ADGRV1: variants seen among roughly 807,000 people sequenced by gnomAD.
ADGRV1 encodes the protein G-protein coupled receptor 98.
A neutral mutation model predicts 596.2 loss-of-function variants in ADGRV1; 359 were observed. The observed-to-expected ratio is 0.60, with a 90% CI of 0.55 to 0.66. ADGRV1 has a LOEUF of 0.66. Ranked by LOEUF, ADGRV1 falls within the 30% of genes least tolerant of loss-of-function variation. The probability of loss-of-function intolerance (pLI) is 0.00; values close to 1 mark genes in which losing one functional copy is unlikely to be tolerated. For synonymous variants in ADGRV1, 2,681 were observed against 2,679.2 expected (o/e 1.00, Z -0.02); for missense variants, 7,274 against 7,575.6 (o/e 0.96, Z 1.48).
At position 90,711,035 on chromosome 5, in the gene ADGRV1, G is replaced by A; in HGVS notation, c.8879G>A (p.Gly2960Asp). The A allele has an allele frequency of 2.5e-6, 4 of 1,611,104 alleles. No homozygotes were observed. Among genetic ancestry groups the A allele is most frequent in the Non-Finnish European group, 3.4e-6 (4 of 1,178,432 alleles). The change falls in exon 40 of 90, where the codon GGT (glycine) becomes GAT (aspartate). Residue 2960 changes from glycine to aspartate, a missense_variant. This residue lies in a region of ADGRV1 where 3,643 missense variants were observed against 3,809.2 expected (regional missense o/e 0.96). Transcript: ENST00000405460. The stretch of plus-strand genomic sequence containing the variant: ...ATTGATGCCAATGATGGGGCCCGAG[G>A]TGTAATTGAATGGCAACAAAGCAGG... Reference protein sequence around the residue: ...VIIDANDGARGVIEWQQSRFE... With the variant: ...VIIDANDGARDVIEWQQSRFE...
At chr5:90,988,518 A>G (rs1161481803) in intron 85 of ADGRV1, among the ~76,000 whole-genome samples, 1 of 152,056 alleles carries the variant, frequency 6.6e-6, no homozygotes, top group African/African-American at 2.4e-5. Context: ...ATGGCTTGAC[A>G]TTTTCTATAT....
chr5:91,075,097 C>T (rs558466851), intron 86 of ADGRV1, among the ~76,000 whole-genome samples: 18 of 152,052 alleles, frequency 1.2e-4, no homozygotes, highest in South Asian at 2.1e-4. Flanking sequence ...CCATTGTGAG[C>T]GCATAGTTTG....
chr5:90,993,396 A>G (rs1781136349), intron 85 of ADGRV1, among the ~76,000 whole-genome samples: 1 of 151,790 alleles, frequency 6.6e-6, no homozygotes, highest in African/African-American at 2.4e-5. Flanking sequence ...TGATCTTGTG[A>G]TCCACCCACC....
intron 1 of ADGRV1, chr5:90,614,287 C>A: frequency 3.1e-6 from 1 of 325,344 alleles, no homozygotes; most frequent in Non-Finnish European, 5.9e-6. Context: ...AAATTTAAGT[C>A]CTGGAAATTT....
intron 85 of ADGRV1, among the ~76,000 whole-genome samples, chr5:91,058,533 T>C (rs1787114135): frequency 6.6e-6 from 1 of 151,382 alleles, no homozygotes; most frequent in African/African-American, 2.4e-5. Flanking sequence ...GTATGGAAGA[T>C]AAGAAACCCT....
At chr5:90,972,700 G>A (rs973944198) in intron 84 of ADGRV1, among the ~76,000 whole-genome samples, 17 of 152,160 alleles carry the variant, frequency 1.1e-4, no homozygotes, top group African/African-American at 3.6e-4. Context: ...CACATTCAAA[G>A]CAGTGTGTAG....
rs1765376987 is a variant in ADGRV1 at position 90,840,986 on chromosome 5, G to GTTA, written c.17019+2_17019+3insTAT. On this transcript the variant is annotated splice_donor_variant, in intron 78 of 89. Transcript: ENST00000405460. LOFTEE classifies it high-confidence loss of function. The stretch of plus-strand genomic sequence containing the variant: ...TGCCATGATGCATTTAATAGAAAAG[G>GTTA]TAAGTTTTTGTGAATATTAGTAATT... 1 of 1,387,604 alleles carries GTTA rather than the reference G, an allele frequency of 7.2e-7. No individual in the cohort carries two copies. Among genetic ancestry groups the GTTA allele is most frequent in the South Asian group, 2.3e-5 (1 of 43,324 alleles). The allele number at this position is 1,387,604 out of a possible 1,614,324, so 86.0% of individuals were successfully genotyped here. A position where few individuals can be genotyped will look rare whatever the true frequency, so the allele number is the denominator to read the frequency against.
intron 41 of ADGRV1, among the ~76,000 whole-genome samples, chr5:90,711,900 C>G (rs947968831): frequency 6.6e-6 from 1 of 152,142 alleles, no homozygotes; most frequent in Non-Finnish European, 1.5e-5. Context: ...CCTCAGCCTC[C>G]TGAGTAGCTG....
At chr5:90,642,786 T>A in intron 12 of ADGRV1, 24 bp downstream of exon 12, 1 of 1,608,600 alleles carries the variant, frequency 6.2e-7, no homozygotes, top group Non-Finnish European at 8.5e-7. Context: ...AAACTTCCAT[T>A]TATTCTGTGC....
At chr5:90,823,358 T>C in intron 75 of ADGRV1, 67 bp from the exon 76 acceptor site, 1 of 1,477,434 alleles carries the variant, frequency 6.8e-7, no homozygotes, top group East Asian at 2.3e-5. Flanking sequence ...CATTATTTGA[T>C]AATAAACTCT....
At chr5:90,618,138 T>C (rs1763603657) in intron 3 of ADGRV1, among the ~76,000 whole-genome samples, 185 bp downstream of exon 3, 2 of 152,214 alleles carry the variant, frequency 1.3e-5, no homozygotes, top group Admixed American at 1.3e-4. Flanking sequence ...TCCTTGATCT[T>C]GTTCAGAAAC....
At chr5:90,701,859 T>A (rs1181162506) in intron 34 of ADGRV1, among the ~76,000 whole-genome samples, 1 of 151,942 alleles carries the variant, frequency 6.6e-6, no homozygotes, top group Non-Finnish European at 1.5e-5. Context: ...ATTTTATTAT[T>A]GTGATTATAG....
intron 34 of ADGRV1, among the ~76,000 whole-genome samples, chr5:90,702,371 G>A (rs1381644706): frequency 1.3e-4 from 20 of 151,580 alleles, no homozygotes; most frequent in Admixed American, 1.2e-3. Flanking sequence ...AATTTTTTTT[G>A]TATTGACACA....
intron 73 of ADGRV1, among the ~76,000 whole-genome samples, chr5:90,809,184 C>T (rs1762197891): frequency 6.6e-6 from 1 of 151,468 alleles, no homozygotes; most frequent in African/African-American, 2.4e-5. Context: ...TCTCGATCTC[C>T]TGACCTCGTG....
chr5:91,111,063 C>T (rs1207884197), intron 87 of ADGRV1, among the ~76,000 whole-genome samples: 3 of 152,142 alleles, frequency 2.0e-5, no homozygotes, highest in Non-Finnish European at 2.9e-5. Flanking sequence ...TCATTCCTAT[C>T]CCCATGTCTT....
rs760285831 is a variant in ADGRV1, at chr5:90,674,129, A to G, written c.5005A>G (p.Ile1669Val). Residue 1669 changes from isoleucine (I) to valine (V), a missense_variant, in exon 23 of 90, where the codon ATT becomes GTT. Coordinates refer to ENST00000405460, the MANE Select transcript of ADGRV1 (RefSeq NM_032119.4). ...TTTCCGTGTGACATTGGTTTCTGCA[A>G]TTCCTGGAGATGGGAAGCTAGGCTC... ...EYFRVTLVSA[I>V]PGDGKLGSTP... 11 of 1,613,284 alleles carry G rather than the reference A, an allele frequency of 6.8e-6. No individual in the cohort carries two copies. The highest frequency in any genetic ancestry group is 4.0e-5 in the African/African-American group (3 of 74,896).
chr5:90,965,863 A>G (rs1042992858), intron 84 of ADGRV1, among the ~76,000 whole-genome samples: 4 of 152,214 alleles, frequency 2.6e-5, no homozygotes, highest in South Asian at 2.1e-4. Context: ...AAGGAGTGAC[A>G]TGATAAGATT....
In ADGRV1 at chr5:90,962,989, T is replaced by C. The variant is rs558434606; in HGVS notation, c.17857-2426T>C. On this transcript the variant is annotated intron_variant, in intron 83 of 89. Transcript: ENST00000405460. ...ATTTAAGTTAGCATATACTTATAAA[T>C]AGTTTCATAGAATGTTTAAAGCTAA... is the stretch of plus-strand genomic sequence containing the variant. 5.9e-5 allele frequency among the ~76,000 whole-genome samples: 9 copies of C among 152,326 alleles called. No individual in the cohort carries two copies. In the South Asian group the frequency reaches 1.9e-3, roughly 32 times the overall value.
intron 85 of ADGRV1, among the ~76,000 whole-genome samples, chr5:91,005,051 C>T (rs1000179567): frequency 2.0e-5 from 3 of 152,032 alleles, no homozygotes; most frequent in African/African-American, 7.3e-5. Context: ...TTGTTAAATG[C>T]ACCACATTCA....
Sources: gnomAD v4.1 joint callset for allele counts (sites outside exome capture counted in the v4.1 genomes callset) on GRCh38, gnomAD v4.1.1 for gene constraint, gnomAD v4.1.1 regional missense constraint, MANE v1.5 for transcripts, NCBI Gene and HGNC (gene_info 2026-07-23, HGNC 2026-07-21) for gene names.